CYP2J2: variants seen among roughly 807,000 people sequenced by gnomAD.
The protein encoded by CYP2J2 is cytochrome P450 2J2.
In CYP2J2, 41 loss-of-function variants were observed where a neutral mutation model predicts 48.8. The ratio of observed to expected loss-of-function variants is 0.84; its 90% CI spans 0.66 to 1.09. CYP2J2 has a LOEUF of 1.09. Among genes scored for constraint, CYP2J2 ranks in the 50% least tolerant of loss-of-function variants. The pLI is 0.00. For synonymous variants in CYP2J2, 221 were observed against 227.1 expected, an observed-to-expected ratio of 0.97 and a Z score of 0.24; for missense variants, 644 against 617.3, an observed-to-expected ratio of 1.04 and a Z score of -0.46.
At chr1:59,937,188 A>C in the CYP2J2 span, among the ~76,000 whole-genome samples, 1 of 152,328 alleles carries the variant, frequency 6.6e-6, no homozygotes, top group East Asian at 1.9e-4. Context: ...CCCCAAATGC[A>C]TATCTGGTTC....
At chr1:59,911,538 G>C in intron 4 of CYP2J2, 70 bp downstream of exon 4, 1 of 1,184,090 alleles carries the variant, frequency 8.4e-7, no homozygotes, top group Non-Finnish European at 1.1e-6. Flanking sequence ...AAACTAAAAG[G>C]AAAAACCCAT....
upstream of CYP2J2, among the ~76,000 whole-genome samples, chr1:59,928,448 T>C (rs1237087306): frequency 6.6e-6 from 1 of 152,166 alleles, no homozygotes; most frequent in Non-Finnish European, 1.5e-5. Context: ...TTTCTCCTAG[T>C]CCCCAGATCA....
At chr1:59,930,834 T>G (rs1334827400), upstream of CYP2J2, among the ~76,000 whole-genome samples, 1 of 152,162 alleles carries the variant, frequency 6.6e-6, no homozygotes, top group East Asian at 1.9e-4. Flanking sequence ...AGAATGTCCT[T>G]AGATTGAAAG....
At chr1:59,897,886 A>C (rs1367260019) in intron 8 of CYP2J2, among the ~76,000 whole-genome samples, 1 of 152,210 alleles carries the variant, frequency 6.6e-6, no homozygotes, top group Non-Finnish European at 1.5e-5. Flanking sequence ...AAGGAACAGC[A>C]AGGAAAAGCA....
chr1:59,900,881 T>G, intron 8 of CYP2J2, 84 bp downstream of exon 8: 1 of 1,492,192 alleles, frequency 6.7e-7, no homozygotes, highest in Non-Finnish European at 9.2e-7. Flanking sequence ...GACATTCCAA[T>G]GAAAACAAGG....
At chr1:59,924,337 A>G (rs1644544344) in intron 1 of CYP2J2, among the ~76,000 whole-genome samples, 1 of 152,204 alleles carries the variant, frequency 6.6e-6, no homozygotes, top group African/African-American at 2.4e-5. Flanking sequence ...GGATATGATA[A>G]GCTTGTAACA....
intron 8 of CYP2J2, among the ~76,000 whole-genome samples, chr1:59,896,757 G>A (rs1281595049): frequency 1.3e-5 from 2 of 152,004 alleles, no homozygotes; most frequent in East Asian, 3.8e-4. Context: ...CCTATTCACA[G>A]CAATAATTTT....
At position 59,893,405 on chromosome 1, in the gene CYP2J2, A is replaced by T. The variant is rs2280274; in HGVS notation, c.*246T>A. 0.11 allele frequency: 42,632 copies of T among 389,524 alleles called. 3,431 individuals carry two copies. Among genetic ancestry groups the T allele is most frequent in the African/African-American group, 0.3 (14,717 of 48,510 alleles). 24.1% of individuals were successfully genotyped at this position (389,524 alleles called of 1,614,324 possible). On this transcript the variant is annotated 3_prime_UTR_variant, in exon 9 of 9. Transcript: ENST00000371204. ...ACAAGAACTTTCTTTATGGAAGGAAACATTATCCTCTTTTCATCTCCTAGA... is the reference window on the plus strand; with the variant it reads ...ACAAGAACTTTCTTTATGGAAGGAATCATTATCCTCTTTTCATCTCCTAGA...
the CYP2J2 span, among the ~76,000 whole-genome samples, chr1:59,943,368 G>A: frequency 3.3e-5 from 5 of 152,166 alleles, no homozygotes; most frequent in Admixed American, 3.3e-4. Flanking sequence ...CTAGCAGGAG[G>A]GCCTGGAAGT....
At chr1:59,956,995 A>G in the CYP2J2 span, among the ~76,000 whole-genome samples, 1 of 152,198 alleles carries the variant, frequency 6.6e-6, no homozygotes, top group Non-Finnish European at 1.5e-5. Flanking sequence ...CTTAGACTGC[A>G]TGGAGGGCGA....
intron 1 of CYP2J2, among the ~76,000 whole-genome samples, chr1:59,925,969 G>A (rs1644560003): frequency 6.6e-6 from 1 of 152,162 alleles, no homozygotes; most frequent in Admixed American, 6.5e-5. Flanking sequence ...ATTGTATAGA[G>A]ACGGAAAGAA....
At chr1:59,967,199 G>C in the CYP2J2 span, among the ~76,000 whole-genome samples, 1 of 152,116 alleles carries the variant, frequency 6.6e-6, no homozygotes, top group Non-Finnish European at 1.5e-5. Context: ...TGCTCGAGGA[G>C]CCACAAAGCC....
the CYP2J2 span, among the ~76,000 whole-genome samples, chr1:59,935,960 CA>C: frequency 4.0e-5 from 6 of 151,684 alleles, no homozygotes; most frequent in South Asian, 2.1e-4. Context: ...GTTTTTAGTA[CA>C]AAAAAAAGTT....
At chr1:59,955,142 A>AAAAT in the CYP2J2 span, among the ~76,000 whole-genome samples, 9,391 of 145,764 alleles carry the variant, frequency 0.064, 467 homozygotes, top group African/African-American at 0.12. Context: ...CTCCAAAATT[A>AAAAT]AAATAAATAA....
the CYP2J2 span, among the ~76,000 whole-genome samples, chr1:59,963,896 T>C: frequency 6.6e-6 from 1 of 152,156 alleles, no homozygotes; most frequent in Non-Finnish European, 1.5e-5. Context: ...AATAAAATTA[T>C]CTGTTATACT....
chr1:59,911,830 G>A (rs956726044), intron 3 of CYP2J2, 62 bp from the exon 4 acceptor site: 4 of 1,529,774 alleles, frequency 2.6e-6, no homozygotes, highest in Non-Finnish European at 3.6e-6. Context: ...TTCCTACTGA[G>A]AGTCTACTTT....
upstream of CYP2J2, among the ~76,000 whole-genome samples, chr1:59,930,776 T>A (rs1482997400): frequency 6.6e-6 from 1 of 151,974 alleles, no homozygotes; most frequent in African/African-American, 2.4e-5. Flanking sequence ...ATTAAAAAAA[T>A]ACAACAAATG....
intron 6 of CYP2J2, among the ~76,000 whole-genome samples, chr1:59,905,924 C>A (rs1050670078): frequency 1.3e-5 from 2 of 152,202 alleles, no homozygotes; most frequent in African/African-American, 2.4e-5. Context: ...ATTTTCCTCA[C>A]GCTTGTAATC....
rs11572294 is a variant in CYP2J2 at position 59,904,062 on chromosome 1, C to A, written c.1191+809G>T. Among the ~76,000 whole-genome samples, 1,421 of 152,296 alleles carry A rather than the reference C, an allele frequency of 9.3e-3. 17 individuals carry two copies. Among genetic ancestry groups the A allele is most frequent in the African/African-American group, 0.032 (1,326 of 41,544 alleles). ...TGAATATTGCACACGCTTAGATTGG[C>A]TTCCTTATAAGATAATAAATTATAC... On this transcript the variant is annotated intron_variant, in intron 7 of 8. Coordinates refer to ENST00000371204, the MANE Select transcript of CYP2J2 (RefSeq NM_000775.4).
Sources: gnomAD v4.1 joint callset for allele counts (sites outside exome capture counted in the v4.1 genomes callset) on GRCh38, gnomAD v4.1.1 for gene constraint, MANE v1.5 for transcripts, NCBI Gene and HGNC (gene_info 2026-07-23, HGNC 2026-07-21) for gene names.